Variants in SNTG1 observed in about 807,000 individuals in gnomAD.
SNTG1 encodes the protein syntrophin gamma 1.
SNTG1 carries 39 observed loss-of-function variants against 74.7 expected under a neutral mutation model. The observed-to-expected ratio is 0.52, with a 90% CI of 0.40 to 0.68. SNTG1 has a LOEUF of 0.68. SNTG1 is among the 30% of genes least tolerant of loss of function. The pLI, the probability that SNTG1 is intolerant of heterozygous loss-of-function variation, is 0.00. For synonymous variants in SNTG1, 254 were observed against 217.1 expected (o/e 1.17, Z -1.49); for missense variants, 685 against 609.5 (o/e 1.12, Z -1.30).
At chr8:50,748,555 T>C (rs1474177175) in intron 17 of SNTG1, among the ~76,000 whole-genome samples, 2 of 152,044 alleles carry the variant, frequency 1.3e-5, no homozygotes, top group Non-Finnish European at 2.9e-5. Flanking sequence ...CATACTTTGC[T>C]TTATTGTCCT....
At chr8:49,930,654 G>A (rs973890672) in intron 1 of SNTG1, among the ~76,000 whole-genome samples, 31 of 152,100 alleles carry the variant, frequency 2.0e-4, no homozygotes, top group African/African-American at 6.5e-4. Flanking sequence ...AAGAACACCA[G>A]TAAAACCACT....
At chr8:50,345,863 C>A (rs2091458293) in intron 2 of SNTG1, among the ~76,000 whole-genome samples, 1 of 152,166 alleles carries the variant, frequency 6.6e-6, no homozygotes, top group Non-Finnish European at 1.5e-5. Context: ...ATTTTGACTG[C>A]ATTTATCTGA....
intron 1 of SNTG1, among the ~76,000 whole-genome samples, chr8:49,947,650 A>G (rs1373376383): frequency 2.0e-5 from 3 of 152,232 alleles, no homozygotes; most frequent in South Asian, 2.1e-4. Flanking sequence ...GTACATTGCT[A>G]GAAGACTTTT....
rs370745190 is a variant in SNTG1 at position 50,304,551 on chromosome 8, A to C, written c.-27-89661A>C. Among the ~76,000 whole-genome samples, 28 of 152,330 alleles carry C rather than the reference A, an allele frequency of 1.8e-4. No individual in the cohort carries two copies. The East Asian group carries it at 5.2e-3, about 28-fold the overall frequency. On this transcript the variant is annotated intron_variant, in intron 2 of 18. Transcript: ENST00000642720. ...GAAAAGTTAAAACTAAAGTGGAGGC[A>C]AAGATATGACAGGCAATACCAAATA... is the stretch of plus-strand genomic sequence containing the variant.
At chr8:50,066,599 C>T (rs1377755084) in intron 1 of SNTG1, among the ~76,000 whole-genome samples, 1 of 152,162 alleles carries the variant, frequency 6.6e-6, no homozygotes, top group African/African-American at 2.4e-5. Context: ...GAAAATGTTT[C>T]CAGGCAGAAA....
chr8:50,006,171 C>G (rs1815215136), intron 1 of SNTG1, among the ~76,000 whole-genome samples: 1 of 151,948 alleles, frequency 6.6e-6, no homozygotes, highest in South Asian at 2.1e-4. Context: ...TCGTGTTGGC[C>G]AGGATGGTCT....
intron 2 of SNTG1, among the ~76,000 whole-genome samples, chr8:50,376,428 A>T (rs1015092292): frequency 2.0e-5 from 3 of 152,030 alleles, no homozygotes; most frequent in African/African-American, 7.2e-5. Context: ...ATTTTGTGAA[A>T]AAAAATATTA....
chr8:50,629,626 C>G (rs2094982278), intron 13 of SNTG1, among the ~76,000 whole-genome samples: 1 of 151,928 alleles, frequency 6.6e-6, no homozygotes, highest in South Asian at 2.1e-4. Flanking sequence ...ATTTTAGAAC[C>G]TGAGTGGTCA....
At chr8:50,406,592 C>T (rs2092879105) in intron 4 of SNTG1, among the ~76,000 whole-genome samples, 1 of 152,050 alleles carries the variant, frequency 6.6e-6, no homozygotes, top group South Asian at 2.1e-4. Flanking sequence ...GTGGTAAAAG[C>T]AGGCATTTTT....
chr8:49,953,636 T>C (rs1585641738), intron 1 of SNTG1, among the ~76,000 whole-genome samples: 1 of 152,312 alleles, frequency 6.6e-6, no homozygotes, highest in African/African-American at 2.4e-5. Flanking sequence ...GTAGAAGATA[T>C]CTATTTGTTA....
chr8:50,200,822 TA>T (rs1332228867), intron 2 of SNTG1, among the ~76,000 whole-genome samples: 1 of 152,036 alleles, frequency 6.6e-6, no homozygotes, highest in Admixed American at 6.6e-5. Flanking sequence ...AAACTAGGGC[TA>T]AAAAAAGTAA....
chr8:50,485,148 G>A (rs1225656834), intron 8 of SNTG1, among the ~76,000 whole-genome samples: 1 of 152,128 alleles, frequency 6.6e-6, no homozygotes, highest in East Asian at 1.9e-4. Context: ...TCTGAGATAT[G>A]ACCAAGAGGG....
chr8:49,970,206 T>A (rs947480926), intron 1 of SNTG1, among the ~76,000 whole-genome samples: 8 of 152,082 alleles, frequency 5.3e-5, no homozygotes, highest in African/African-American at 1.9e-4. Flanking sequence ...CAGTGCCTAT[T>A]TGATGAGTAA....
chr8:50,301,327 A>T (rs1480016497), intron 2 of SNTG1, among the ~76,000 whole-genome samples: 1 of 152,074 alleles, frequency 6.6e-6, no homozygotes, highest in Non-Finnish European at 1.5e-5. Context: ...CTGATTCTCT[A>T]TTCTAGCAGC....
intron 1 of SNTG1, among the ~76,000 whole-genome samples, chr8:49,941,236 C>T (rs1808657526): frequency 1.3e-5 from 2 of 152,022 alleles, no homozygotes; most frequent in African/African-American, 4.8e-5. Context: ...AGCCTCCGTG[C>T]AGTTCCTTTT....
At chr8:50,368,102 A>C (rs1003242059) in intron 2 of SNTG1, among the ~76,000 whole-genome samples, 1 of 152,146 alleles carries the variant, frequency 6.6e-6, no homozygotes, top group Non-Finnish European at 1.5e-5. Context: ...GAAAATAAAT[A>C]ATCATGAATA....
chr8:50,588,756 A>C (rs1223923071), intron 12 of SNTG1, among the ~76,000 whole-genome samples: 1 of 152,152 alleles, frequency 6.6e-6, no homozygotes, highest in Non-Finnish European at 1.5e-5. Context: ...ATATCATTTG[A>C]CTAAGAGGCG....
At chr8:50,351,005 G>C (rs2091642840) in intron 2 of SNTG1, among the ~76,000 whole-genome samples, 1 of 152,074 alleles carries the variant, frequency 6.6e-6, no homozygotes. Flanking sequence ...TCACTCTTTG[G>C]GTCCACACTG....
chr8:49,941,247 G>A (rs550555107), intron 1 of SNTG1, among the ~76,000 whole-genome samples: 2 of 151,926 alleles, frequency 1.3e-5, no homozygotes, highest in Non-Finnish European at 2.9e-5. Flanking sequence ...AGTTCCTTTT[G>A]AGGAGACTTA....
Sources: gnomAD v4.1 joint callset for allele counts (sites outside exome capture counted in the v4.1 genomes callset) on GRCh38, gnomAD v4.1.1 for gene constraint, MANE v1.5 for transcripts, NCBI Gene and HGNC (gene_info 2026-07-23, HGNC 2026-07-21) for gene names.